The following NCALD variants were observed in gnomAD, a reference collection of about 807,000 sequenced individuals.
NCALD encodes the protein neurocalcin-delta.
NCALD carries 10 observed loss-of-function variants against 18.6 expected under a neutral mutation model. That is an observed-to-expected ratio of 0.54 (90% confidence interval 0.33 to 0.91). The LOEUF is 0.91. NCALD is among the 40% of genes least tolerant of loss of function. The pLI, the probability that NCALD is intolerant of heterozygous loss-of-function variation, is 0.03. For synonymous variants in NCALD, 88 were observed against 87.4 expected (o/e 1.01, Z -0.04); for missense variants, 184 against 247.6 (o/e 0.74, Z 1.72).
intron 1 of NCALD, among the ~76,000 whole-genome samples, chr8:102,113,739 T>C (rs530594470): frequency 1.3e-5 from 2 of 152,226 alleles, no homozygotes; most frequent in South Asian, 2.1e-4. Context: ...CAATAAATTA[T>C]GTAGTCGTCT....
chr8:101,923,483 G>A (rs1166057237), intron 2 of NCALD, among the ~76,000 whole-genome samples: 1 of 152,212 alleles, frequency 6.6e-6, no homozygotes, highest in Non-Finnish European at 1.5e-5. Flanking sequence ...AGAAAATGAT[G>A]TGTAATTGTT....
At chr8:101,713,465 C>T (rs1178892073) in intron 2 of NCALD, among the ~76,000 whole-genome samples, 1 of 142,330 alleles carries the variant, frequency 7.0e-6, no homozygotes, top group Non-Finnish European at 1.5e-5. Flanking sequence ...AAAAAAAAAC[C>T]ATAAAAAAAT....
intron 1 of NCALD, among the ~76,000 whole-genome samples, chr8:102,117,800 C>A (rs1825835316): frequency 6.6e-6 from 1 of 152,186 alleles, no homozygotes; most frequent in Non-Finnish European, 1.5e-5. Flanking sequence ...GGCACCCACA[C>A]CACCTATTGA....
At chr8:102,050,234 T>C (rs1335393110) in intron 1 of NCALD, among the ~76,000 whole-genome samples, 1 of 147,932 alleles carries the variant, frequency 6.8e-6, no homozygotes, top group East Asian at 2.0e-4. Context: ...AAAAATTCTT[T>C]GTAGATTTTG....
At chr8:101,829,759 T>C (rs908067109) in intron 4 of NCALD, among the ~76,000 whole-genome samples, 1 of 152,202 alleles carries the variant, frequency 6.6e-6, no homozygotes, top group Non-Finnish European at 1.5e-5. Context: ...TTGACAAGTA[T>C]GCTTTCATAC....
At chr8:101,864,838 C>T (rs137855909) in intron 4 of NCALD, among the ~76,000 whole-genome samples, 6,393 of 152,032 alleles carry the variant, frequency 0.042, 301 homozygotes, top group African/African-American at 0.12. Flanking sequence ...TCAGGTGATC[C>T]GCCCATCTCA....
At chr8:102,120,618 G>A (rs1760457638) in intron 1 of NCALD, among the ~76,000 whole-genome samples, 1 of 152,190 alleles carries the variant, frequency 6.6e-6, no homozygotes, top group Non-Finnish European at 1.5e-5. Flanking sequence ...CCTGAATCAG[G>A]CCATATCCGA....
chr8:101,940,072 T>C (rs1818900835), intron 2 of NCALD, among the ~76,000 whole-genome samples: 1 of 152,242 alleles, frequency 6.6e-6, no homozygotes, highest in African/African-American at 2.4e-5. Flanking sequence ...GTATGTTCTT[T>C]TCAAGGTTAA....
intron 3 of NCALD, among the ~76,000 whole-genome samples, chr8:101,891,786 A>T (rs1438216370): frequency 2.0e-5 from 3 of 152,206 alleles, no homozygotes; most frequent in African/African-American, 7.2e-5. Context: ...CTCCCACCCA[A>T]ATATTGCACT....
intron 1 of NCALD, among the ~76,000 whole-genome samples, chr8:101,761,438 T>G (rs1811105304): frequency 6.6e-6 from 1 of 152,066 alleles, no homozygotes; most frequent in Non-Finnish European, 1.5e-5. Flanking sequence ...CCCTGTGACA[T>G]TTTTTTTCCT....
chr8:101,937,844 A>T (rs1818819696), intron 2 of NCALD, among the ~76,000 whole-genome samples: 1 of 152,168 alleles, frequency 6.6e-6, no homozygotes, highest in South Asian at 2.1e-4. Context: ...GAATCAGCCA[A>T]ATAATTAGAT....
At chr8:102,071,280 A>G (rs1824171415) in intron 1 of NCALD, among the ~76,000 whole-genome samples, 1 of 152,184 alleles carries the variant, frequency 6.6e-6, no homozygotes, top group Non-Finnish European at 1.5e-5. Context: ...CAACTCATAA[A>G]AATGGTTTTT....
intron 4 of NCALD, among the ~76,000 whole-genome samples, chr8:101,832,692 G>A (rs116563400): frequency 0.011 from 1,647 of 152,222 alleles, 29 homozygotes; most frequent in African/African-American, 0.038. Context: ...CTTAATACAC[G>A]TTTGAGATTA....
chr8:101,834,092 G>A (rs1350908230), intron 4 of NCALD, among the ~76,000 whole-genome samples: 1 of 152,216 alleles, frequency 6.6e-6, no homozygotes, highest in Non-Finnish European at 1.5e-5. Flanking sequence ...TCCATGATGA[G>A]TGCCTTCTGG....
At chr8:101,879,328 G>A (rs555605244) in intron 4 of NCALD, among the ~76,000 whole-genome samples, 15 of 152,200 alleles carry the variant, frequency 9.9e-5, no homozygotes, top group African/African-American at 2.6e-4. Flanking sequence ...TGCTGGGTTC[G>A]TGGTCTCACT....
intron 3 of NCALD, among the ~76,000 whole-genome samples, chr8:101,895,646 G>A (rs1189454609): frequency 6.7e-6 from 1 of 148,328 alleles, no homozygotes; most frequent in Non-Finnish European, 1.5e-5. Context: ...TCCTTAAGCT[G>A]ATAAGCAACT....
chr8:101,805,045 T>C (rs1813048163), intron 4 of NCALD, among the ~76,000 whole-genome samples: 1 of 152,306 alleles, frequency 6.6e-6, no homozygotes, highest in Non-Finnish European at 1.5e-5. Context: ...AAAAGCTCCA[T>C]GGACCTGTTC....
chr8:101,770,055 G>A (rs1811519893), intron 1 of NCALD, among the ~76,000 whole-genome samples: 1 of 152,168 alleles, frequency 6.6e-6, no homozygotes, highest in Non-Finnish European at 1.5e-5. Context: ...GCCTATAGTT[G>A]TAAAAGTTTC....
At chr8:101,836,811 TTC>T (rs1814431852) in intron 4 of NCALD, among the ~76,000 whole-genome samples, 1 of 152,226 alleles carries the variant, frequency 6.6e-6, no homozygotes, top group Non-Finnish European at 1.5e-5. Flanking sequence ...AATCCCCTAA[TTC>T]TCTGTTTGTG....
Sources: gnomAD v4.1 joint callset for allele counts (sites outside exome capture counted in the v4.1 genomes callset) on GRCh38, gnomAD v4.1.1 for gene constraint, MANE v1.5 for transcripts, NCBI Gene and HGNC (gene_info 2026-07-23, HGNC 2026-07-21) for gene names.